Variants in VPS13B observed in about 807,000 individuals in gnomAD.
The protein encoded by VPS13B is vacuolar protein sorting 13 homolog B, also known as intermembrane lipid transfer protein VPS13B.
VPS13B carries 285 observed loss-of-function variants against 426.4 expected under a neutral mutation model. The ratio of observed to expected loss-of-function variants is 0.67; its 90% CI spans 0.61 to 0.74. VPS13B has a LOEUF of 0.74. VPS13B is among the 30% of genes least tolerant of loss of function. The probability of loss-of-function intolerance (pLI) is 0.00; values close to 1 mark genes in which losing one functional copy is unlikely to be tolerated. For synonymous variants in VPS13B, 1,676 were observed against 1,676.4 expected, an observed-to-expected ratio of 1.00 and a Z score of 0.01; for missense variants, 4,537 against 4,782.6, an observed-to-expected ratio of 0.95 and a Z score of 1.51.
intron 17 of VPS13B, among the ~76,000 whole-genome samples, chr8:99,260,581 G>A (rs1182990468): frequency 6.6e-6 from 1 of 151,960 alleles, no homozygotes; most frequent in Non-Finnish European, 1.5e-5. Context: ...TTATATTTGA[G>A]GCATTGTATT....
chr8:99,086,843 T>C (rs1407660845), intron 3 of VPS13B, among the ~76,000 whole-genome samples: 5 of 152,152 alleles, frequency 3.3e-5, no homozygotes, highest in Admixed American at 2.0e-4. Flanking sequence ...AGTACCGGGC[T>C]GTGTGAGGTG....
intron 19 of VPS13B, among the ~76,000 whole-genome samples, chr8:99,380,766 TA>T (rs1235083577): frequency 2.0e-5 from 3 of 151,858 alleles, no homozygotes; most frequent in Non-Finnish European, 4.4e-5. Context: ...AAATAATCTA[TA>T]ACATTATAGA....
chr8:99,846,849 T>C (rs897622534), intron 54 of VPS13B, among the ~76,000 whole-genome samples: 8 of 152,182 alleles, frequency 5.3e-5, no homozygotes, highest in African/African-American at 1.9e-4. Flanking sequence ...GAACAGTAAA[T>C]ATTTCTCTAT....
chr8:99,424,279 C>A (rs1415588785), intron 21 of VPS13B: 2 of 151,858 alleles, frequency 1.3e-5, no homozygotes, highest in Non-Finnish European at 2.9e-5. Context: ...CTTCCTCCAT[C>A]CCTTTATTTT....
rs760377055 is a variant in VPS13B at position 99,871,568 on chromosome 8, G to A, written c.11616G>A (p.Val3872=). 2.9e-5 allele frequency: 47 copies of A among 1,614,082 alleles called. No individual in the cohort carries two copies. The Middle Eastern group carries it at 4.9e-4, about 17-fold the overall frequency. The change falls in exon 61 of 62, where the codon GTG becomes GTA. Residue 3872 remains valine, a synonymous_variant. Transcript: ENST00000357162. ...TGCTGACATCAGAAGTGCTCTTCGTGGTGAGTGTCAGTGAGGACACACAGC... is the reference window on the plus strand; with the variant it reads ...TGCTGACATCAGAAGTGCTCTTCGTAGTGAGTGTCAGTGAGGACACACAGC... ...CLLLTSEVLF[V]VSVSEDTQQQ...
At chr8:99,516,990 A>G (rs1822118200) in intron 29 of VPS13B, among the ~76,000 whole-genome samples, 1 of 152,118 alleles carries the variant, frequency 6.6e-6, no homozygotes, top group African/African-American at 2.4e-5. Context: ...ACTTTCTATT[A>G]ATATGCATAA....
At chr8:99,470,624 A>T (rs1171861393) in intron 24 of VPS13B, among the ~76,000 whole-genome samples, 2 of 151,986 alleles carry the variant, frequency 1.3e-5, no homozygotes, top group Admixed American at 6.6e-5. Flanking sequence ...AAGTTTTTTT[A>T]AAAAGTGAAC....
chr8:99,235,164 G>C (rs1038124930), intron 17 of VPS13B, among the ~76,000 whole-genome samples: 2 of 152,122 alleles, frequency 1.3e-5, no homozygotes, highest in African/African-American at 4.8e-5. Context: ...TTCCAAAAAA[G>C]TCTTGCTCCC....
At chr8:99,283,650 C>CA (rs1819280008) in intron 19 of VPS13B, among the ~76,000 whole-genome samples, 1 of 152,126 alleles carries the variant, frequency 6.6e-6, no homozygotes, top group Admixed American at 6.5e-5. Context: ...TTTCCACAGT[C>CA]AAACAGCAGC....
intron 21 of VPS13B, among the ~76,000 whole-genome samples, chr8:99,392,446 T>G (rs1588324703): frequency 6.6e-6 from 1 of 152,044 alleles, no homozygotes; most frequent in African/African-American, 2.4e-5. Context: ...TTTCTTTGGG[T>G]AATTTTATGT....
chr8:99,511,052 A>G, intron 28 of VPS13B, 52 bp from the exon 29 acceptor site: 1 of 1,600,012 alleles, frequency 6.2e-7, no homozygotes, highest in Non-Finnish European at 8.5e-7. Flanking sequence ...CCAATTTTTA[A>G]AAAAAATCTT....
At chr8:99,577,961 A>G (rs1825854114) in intron 33 of VPS13B, among the ~76,000 whole-genome samples, 1 of 152,158 alleles carries the variant, frequency 6.6e-6, no homozygotes, top group Non-Finnish European at 1.5e-5. Flanking sequence ...ACTCGGATAC[A>G]TTACAGTAAT....
intron 19 of VPS13B, among the ~76,000 whole-genome samples, chr8:99,299,338 A>G (rs998140319): frequency 1.3e-5 from 2 of 152,050 alleles, no homozygotes; most frequent in East Asian, 1.9e-4. Context: ...CTGGAATTAC[A>G]GGTGTGAGCC....
In VPS13B at chr8:99,384,066, G is replaced by T. The variant is rs1813982898; in HGVS notation, c.2825-142G>T. On this transcript the variant is annotated intron_variant, in intron 19 of 61. Transcript: ENST00000357162. ...TACATTCCTACCAGCAATGTATCAGGGTTTGCATTCCTCCACATCCTTTCC... is the reference window on the plus strand; with the variant it reads ...TACATTCCTACCAGCAATGTATCAGTGTTTGCATTCCTCCACATCCTTTCC... 8 of 734,166 alleles carry T rather than the reference G, an allele frequency of 1.1e-5. No homozygotes were observed. The East Asian group carries it at 1.8e-4, about 17-fold the overall frequency. 45.5% of individuals were successfully genotyped at this position (734,166 alleles called of 1,614,324 possible).
chr8:99,506,027 T>G (rs1821479948), intron 27 of VPS13B, among the ~76,000 whole-genome samples: 1 of 152,226 alleles, frequency 6.6e-6, no homozygotes, highest in African/African-American at 2.4e-5. Context: ...TAATTTATTT[T>G]CTATATTTTA....
intron 21 of VPS13B, among the ~76,000 whole-genome samples, chr8:99,401,994 CT>C (rs1349129937): frequency 6.6e-6 from 1 of 152,112 alleles, no homozygotes; most frequent in Non-Finnish European, 1.5e-5. Flanking sequence ...TATGGGTGTT[CT>C]TGTAGCTTTG....
chr8:99,505,044 C>T (rs192094149), intron 27 of VPS13B, among the ~76,000 whole-genome samples: 2 of 152,356 alleles, frequency 1.3e-5, no homozygotes, highest in East Asian at 3.9e-4. Context: ...CTTAAGCCTC[C>T]TGAACTAACT....
At chr8:99,742,989 G>A (rs1160310215) in intron 39 of VPS13B, among the ~76,000 whole-genome samples, 4 of 152,124 alleles carry the variant, frequency 2.6e-5, no homozygotes, top group African/African-American at 9.7e-5. Flanking sequence ...AATCAGGCAG[G>A]AGAAGGAAAT....
intron 11 of VPS13B, 34 bp from the exon 12 acceptor site, chr8:99,136,631 A>G (rs192286218): frequency 6.2e-7 from 1 of 1,610,086 alleles, no homozygotes; most frequent in Admixed American, 1.7e-5. Context: ...TCTTTTATAC[A>G]ATGTTTATTC....
Sources: gnomAD v4.1 joint callset for allele counts (sites outside exome capture counted in the v4.1 genomes callset) on GRCh38, gnomAD v4.1.1 for gene constraint, MANE v1.5 for transcripts, NCBI Gene and HGNC (gene_info 2026-07-23, HGNC 2026-07-21) for gene names.